HERC4: variants seen among roughly 807,000 people sequenced by gnomAD.
HERC4 encodes HECT and RLD domain containing E3 ubiquitin protein ligase 4.
In HERC4, 28 loss-of-function variants were observed where a neutral mutation model predicts 124.3. The ratio of observed to expected loss-of-function variants is 0.23; its 90% CI spans 0.17 to 0.31. The LOEUF is 0.31. Ranked by LOEUF, HERC4 falls within the 10% of genes least tolerant of loss-of-function variation. The pLI is 1.00. For synonymous variants in HERC4, 407 were observed against 421.5 expected (o/e 0.97, Z 0.42); for missense variants, 713 against 1,229.3 (o/e 0.58, Z 6.28).
At chr10:68,053,395 C>G (rs1235777674) in intron 3 of HERC4, among the ~76,000 whole-genome samples, 2 of 151,844 alleles carry the variant, frequency 1.3e-5, no homozygotes, top group Non-Finnish European at 2.9e-5. Context: ...CAGCAACCTC[C>G]CAGGCTCAGG....
rs368619891 is a variant in HERC4, at chr10:67,922,899, T to G, written c.*32A>C. On this transcript the variant is annotated 3_prime_UTR_variant, in exon 25 of 25. Coordinates refer to ENST00000373700, the MANE Select transcript of HERC4 (RefSeq NM_015601.4). ...GAAAAACACAAATAGTTTAATGCTT[T>G]TGCACTAAACTGAATAGTTATAACT... 248 of 1,387,388 alleles carry G rather than the reference T, an allele frequency of 1.8e-4. No homozygotes were observed. Among genetic ancestry groups the G allele is most frequent in the Non-Finnish European group, 2.4e-4 (236 of 997,520 alleles). 85.9% of individuals were successfully genotyped at this position (1,387,388 alleles called of 1,614,324 possible). A position where few individuals can be genotyped will look rare whatever the true frequency, so the allele number is the denominator to read the frequency against.
chr10:67,983,777 A>T, intron 15 of HERC4, among the ~76,000 whole-genome samples: 1 of 102,768 alleles, frequency 9.7e-6, no homozygotes, highest in Admixed American at 1.3e-4. Context: ...ACAGAGGAAG[A>T]CTCTGTCTCA....
chr10:68,053,155 A>G (rs1045292925), intron 3 of HERC4, among the ~76,000 whole-genome samples: 2 of 152,216 alleles, frequency 1.3e-5, no homozygotes, highest in Non-Finnish European at 2.9e-5. Context: ...ACATTGACTT[A>G]GCAAATATTG....
intron 8 of HERC4, among the ~76,000 whole-genome samples, chr10:68,023,992 A>G (rs1253552712): frequency 6.6e-6 from 1 of 152,200 alleles, no homozygotes; most frequent in Non-Finnish European, 1.5e-5. Flanking sequence ...ACTTCTGTTC[A>G]TTGAAAGACA....
chr10:67,972,219 G>GAAAAAA (rs767498811), intron 15 of HERC4, among the ~76,000 whole-genome samples: 3 of 51,204 alleles, frequency 5.9e-5, no homozygotes, highest in Non-Finnish European at 8.1e-5. Flanking sequence ...TGTCTCAAAG[G>GAAAAAA]AAAAAAAAAA....
At chr10:67,995,338 T>C (rs1306835435) in intron 9 of HERC4, 2 of 372,912 alleles carry the variant, frequency 5.4e-6, no homozygotes, top group Non-Finnish European at 1.0e-5. Flanking sequence ...ATATTGTAGC[T>C]GAAGCATTAG....
chr10:67,992,119 AT>A (rs2036584605), intron 11 of HERC4, 79 bp downstream of exon 11: 1 of 1,398,486 alleles, frequency 7.2e-7, no homozygotes, highest in Non-Finnish European at 9.9e-7. Context: ...CTGGTCTCCA[AT>A]TCCTGGGCTC....
chr10:68,060,710 T>C (rs960938979), intron 3 of HERC4, among the ~76,000 whole-genome samples: 2 of 152,190 alleles, frequency 1.3e-5, no homozygotes, highest in African/African-American at 2.4e-5. Flanking sequence ...AATAGTTCTA[T>C]GTTCTGGTAC....
At chr10:67,949,091 AAAAAT>A (rs1025662882) in intron 19 of HERC4, among the ~76,000 whole-genome samples, 5 of 151,876 alleles carry the variant, frequency 3.3e-5, no homozygotes, top group South Asian at 2.1e-4. Context: ...GTTTCTACTA[AAAAAT>A]AAAATAAAAT....
intron 15 of HERC4, among the ~76,000 whole-genome samples, chr10:67,978,023 C>A (rs1312743009): frequency 6.6e-6 from 1 of 151,196 alleles, no homozygotes; most frequent in Non-Finnish European, 1.5e-5. Context: ...CACTTGTAAT[C>A]CCAGCAAGTT....
intron 16 of HERC4, chr10:67,959,238 C>T: frequency 4.6e-6 from 5 of 1,079,230 alleles, no homozygotes; most frequent in Non-Finnish European, 6.7e-6. Flanking sequence ...TATTTTGCTA[C>T]AGCAGAATAT....
chr10:67,959,709 T>C (rs1256900911), intron 16 of HERC4, among the ~76,000 whole-genome samples: 3 of 151,948 alleles, frequency 2.0e-5, no homozygotes, highest in Non-Finnish European at 1.5e-5. Flanking sequence ...AAATAGAAAG[T>C]ACAGGACAGG....
chr10:67,996,675 T>C (rs1356130634), intron 9 of HERC4, among the ~76,000 whole-genome samples: 2 of 152,070 alleles, frequency 1.3e-5, no homozygotes, highest in African/African-American at 2.4e-5. Flanking sequence ...GAAAACATCT[T>C]AGTATTAATA....
At chr10:67,997,252 C>T (rs952161967) in intron 9 of HERC4, among the ~76,000 whole-genome samples, 2 of 152,108 alleles carry the variant, frequency 1.3e-5, no homozygotes, top group Non-Finnish European at 2.9e-5. Flanking sequence ...ATATAAAATG[C>T]TATTCTTTAC....
At chr10:68,052,533 C>T (rs1036796504) in intron 3 of HERC4, among the ~76,000 whole-genome samples, 2 of 152,002 alleles carry the variant, frequency 1.3e-5, no homozygotes, top group Non-Finnish European at 2.9e-5. Context: ...GCACAAATAT[C>T]ATTAAAAAAA....
At chr10:67,970,939 A>G (rs1391413142) in intron 15 of HERC4, among the ~76,000 whole-genome samples, 1 of 152,022 alleles carries the variant, frequency 6.6e-6, no homozygotes, top group Non-Finnish European at 1.5e-5. Flanking sequence ...GAAAAACACT[A>G]GAGAAGAAAT....
rs572792598 is a variant in HERC4, at chr10:68,062,715, G to A, written c.226+10168C>T. Reference sequence around the variant, plus strand: ...GCGGAGGTTGCAGTGAGCTGGGATCGCACCACTGCACTCCAGCCTGGGCAA... The same window carrying A: ...GCGGAGGTTGCAGTGAGCTGGGATCACACCACTGCACTCCAGCCTGGGCAA... On this transcript the variant is annotated intron_variant, in intron 3 of 24. Coordinates refer to ENST00000373700, the MANE Select transcript of HERC4 (RefSeq NM_015601.4). Among the ~76,000 whole-genome samples, 197 of 151,988 alleles carry A rather than the reference G, an allele frequency of 1.3e-3. 1 individual carries two copies. The highest frequency in any genetic ancestry group is 2.1e-3 in the Non-Finnish European group (142 of 67,992).
chr10:68,004,714 C>T (rs770430356), intron 9 of HERC4, among the ~76,000 whole-genome samples: 53 of 152,036 alleles, frequency 3.5e-4, no homozygotes, highest in Non-Finnish European at 3.1e-4. Flanking sequence ...TGGCAGAAGG[C>T]GAAGAGGAAG....
At chr10:67,993,981 T>C (rs975678956) in intron 9 of HERC4, 5 of 152,194 alleles carry the variant, frequency 3.3e-5, no homozygotes, top group Non-Finnish European at 7.3e-5. Context: ...TGATTATTCC[T>C]TACAAGCAAG....
Sources: allele counts gnomAD v4.1 joint callset (sites outside exome capture counted in the v4.1 genomes callset), GRCh38; gene constraint gnomAD v4.1.1; transcripts MANE v1.5; gene names NCBI Gene and HGNC (gene_info 2026-07-23, HGNC 2026-07-21).